TLK2: variants seen among roughly 807,000 people sequenced by gnomAD.
TLK2 encodes the protein serine/threonine-protein kinase tousled-like 2.
Under a neutral mutation model 117.3 loss-of-function variants are expected in TLK2, and 6 were observed. That is an observed-to-expected ratio of 0.05 (90% confidence interval 0.03 to 0.10). The LOEUF (loss-of-function observed/expected upper bound fraction) is 0.10. Among genes scored for constraint, TLK2 ranks in the 10% least tolerant of loss-of-function variants. The pLI is 1.00. For synonymous variants in TLK2, 257 were observed against 316.7 expected, an observed-to-expected ratio of 0.81 and a Z score of 2.00; for missense variants, 299 against 901.2, an observed-to-expected ratio of 0.33 and a Z score of 8.56.
intron 7 of TLK2, among the ~76,000 whole-genome samples, chr17:62,544,799 T>C (rs74950339): frequency 0.015 from 2,256 of 152,306 alleles, 20 homozygotes; most frequent in Non-Finnish European, 0.023. Context: ...TTGAGAAGTA[T>C]TGCCTTTTTA....
intron 6 of TLK2, 74 bp from the exon 7 acceptor site, chr17:62,536,096 T>C: frequency 6.6e-7 from 1 of 1,518,642 alleles, no homozygotes; most frequent in Non-Finnish European, 8.9e-7. Context: ...TAACTGTTTT[T>C]AACCCGTTGC....
intron 15 of TLK2, among the ~76,000 whole-genome samples, chr17:62,584,007 TTAGAA>T (rs1336092378): frequency 6.6e-6 from 1 of 152,144 alleles, no homozygotes; most frequent in Non-Finnish European, 1.5e-5. Context: ...TGTCTTGGAT[TTAGAA>T]TAGAAGTACA....
rs530999704 is a variant in TLK2 at position 62,591,619 on chromosome 17, CAG to C, written c.1461-4965_1461-4964del. On this transcript the variant is annotated intron_variant, in intron 16 of 21. Transcript: ENST00000346027. ...ACGTAAAGATGATGAAATGAAGCGT[CAG>C]GGGAGGCAAAATGGCCAAAAGTGGC... Among the ~76,000 whole-genome samples, 68 of 152,292 alleles carry C rather than the reference CAG, an allele frequency of 4.5e-4. 1 individual carries two copies. In the East Asian group the frequency reaches 8.3e-3, roughly 19 times the overall value.
chr17:62,493,028 T>C (rs1475933267), intron 2 of TLK2, among the ~76,000 whole-genome samples: 2 of 151,854 alleles, frequency 1.3e-5, no homozygotes, highest in African/African-American at 4.8e-5. Context: ...AACCGGGAGG[T>C]GGAGGTTGCA....
At chr17:62,476,311 C>T (rs112997374), upstream of TLK2, among the ~76,000 whole-genome samples, 50,022 of 150,876 alleles carry the variant, frequency 0.33, 8,474 homozygotes, top group Admixed American at 0.4. Flanking sequence ...CGGCCAGGCG[C>T]GGTGGCTCAT....
chr17:62,578,879 T>A (rs527259711), intron 14 of TLK2, among the ~76,000 whole-genome samples: 25 of 152,296 alleles, frequency 1.6e-4, no homozygotes, highest in African/African-American at 5.3e-4. Flanking sequence ...ATGTTGCATA[T>A]TCAGATTTTC....
intron 2 of TLK2, among the ~76,000 whole-genome samples, chr17:62,490,313 C>G (rs1217029633): frequency 6.6e-6 from 1 of 152,164 alleles, no homozygotes; most frequent in African/African-American, 2.4e-5. Flanking sequence ...TGTGACCTAT[C>G]TTCCACTTGA....
Position 62,481,186 on chromosome 17 carries a change from A to G in TLK2, c.61A>G (p.Thr21Ala). The stretch of plus-strand genomic sequence containing the variant: ...GCAGGAATTATTGGAGGCCAGGTTT[A>G]CTGGAGTAGGTGTTAGTAAGGTGAG... ...RRQELLEARFTGVGVSKGPLN... is the reference protein window; with the variant it reads ...RRQELLEARFAGVGVSKGPLN... The change falls in exon 2 of 22, where the codon ACT becomes GCT. Residue 21 changes from threonine to alanine, a missense_variant. Physicochemically the swap from Thr to Ala is moderately conservative, Grantham distance 58 (BLOSUM62 0). Transcript: ENST00000346027. 6.2e-7 allele frequency: 1 copy of G among 1,613,912 alleles called. No homozygotes were observed. Among genetic ancestry groups the G allele is most frequent in the South Asian group, 1.1e-5 (1 of 91,080 alleles).
chr17:62,567,706 C>A (rs1194699286), intron 11 of TLK2, among the ~76,000 whole-genome samples: 1 of 152,170 alleles, frequency 6.6e-6, no homozygotes, highest in Non-Finnish European at 1.5e-5. Context: ...TAGCTGAACA[C>A]TAACAACACT....
rs574098666 is a variant in TLK2 at position 62,565,254 on chromosome 17, T to G, written c.968+117T>G. The G allele has an allele frequency of 1.4e-5, 19 of 1,328,302 alleles. No individual in the cohort carries two copies. The East Asian group carries it at 4.6e-4, about 32-fold the overall frequency. The allele number at this position is 1,328,302 out of a possible 1,614,324, so 82.3% of individuals were successfully genotyped here. ...TTGGTAGTCATCTTTTCAGTTAGTT[T>G]TTTAGTCACCACATGTGGAAAGAAA... On this transcript the variant is annotated intron_variant, in intron 11 of 21. Coordinates refer to ENST00000346027, the MANE Select transcript of TLK2 (RefSeq NM_006852.6).
At position 62,612,732 on chromosome 17, in the gene TLK2, C is replaced by T. The variant is rs2083894989; in HGVS notation, c.*167C>T. ...CATAGAGCATGACAGCATCGATTCT[C>T]ATTGAGGAGAAACCTTGGGCAGCTC... On this transcript the variant is annotated 3_prime_UTR_variant, in exon 22 of 22. Transcript: ENST00000346027. The T allele has an allele frequency of 4.9e-6, 3 of 614,264 alleles. No homozygotes were observed. The East Asian group carries it at 1.0e-4, about 21-fold the overall frequency. 38.1% of individuals were successfully genotyped at this position (614,264 alleles called of 1,614,324 possible). A position where few individuals can be genotyped will look rare whatever the true frequency, so the allele number is the denominator to read the frequency against.
intron 2 of TLK2, among the ~76,000 whole-genome samples, chr17:62,509,291 G>A (rs971602378): frequency 5.4e-4 from 82 of 152,206 alleles, no homozygotes; most frequent in African/African-American, 1.8e-3. Context: ...ATCTTGCTAT[G>A]CTGCCCAAGC....
intron 1 of TLK2, among the ~76,000 whole-genome samples, chr17:62,473,056 G>C (rs1167726084): frequency 6.6e-6 from 1 of 152,156 alleles, no homozygotes; most frequent in Non-Finnish European, 1.5e-5. Flanking sequence ...TATTCCCTTG[G>C]TTCCAGGTCT....
chr17:62,516,822 GT>G, intron 2 of TLK2: 1 of 1,116,860 alleles, frequency 9.0e-7, no homozygotes, highest in Non-Finnish European at 1.3e-6. Flanking sequence ...TAGTTCTTAT[GT>G]TTAGGTCTTT....
At chr17:62,553,803 A>G (rs762419440) in intron 9 of TLK2, 48 bp downstream of exon 9, 4 of 1,188,314 alleles carry the variant, frequency 3.4e-6, no homozygotes, top group Admixed American at 3.6e-5. Context: ...CATTTGTTAT[A>G]TATATTTGGA....
intron 7 of TLK2, among the ~76,000 whole-genome samples, chr17:62,539,161 T>C (rs1047195014): frequency 1.3e-5 from 2 of 152,198 alleles, no homozygotes; most frequent in African/African-American, 4.8e-5. Flanking sequence ...AGTTTACATA[T>C]CCTTGGGTCC....
intron 15 of TLK2, chr17:62,585,852 A>G: frequency 4.0e-6 from 1 of 251,684 alleles, no homozygotes; most frequent in Middle Eastern, 1.3e-3. Flanking sequence ...GTGTCCAGAA[A>G]GAGAATGGTT....
intron 7 of TLK2, chr17:62,549,881 G>C (rs2078310258): frequency 6.7e-6 from 1 of 150,354 alleles, no homozygotes. Flanking sequence ...TGTTGGCCAG[G>C]CTGGTCTTCA....
intron 7 of TLK2, among the ~76,000 whole-genome samples, chr17:62,538,775 G>A (rs2077297220): frequency 6.6e-6 from 1 of 152,178 alleles, no homozygotes; most frequent in Non-Finnish European, 1.5e-5. Context: ...AAATGCTCTG[G>A]TACAGTTTTG....
Sources: allele counts gnomAD v4.1 joint callset (sites outside exome capture counted in the v4.1 genomes callset), GRCh38; gene constraint gnomAD v4.1.1; transcripts MANE v1.5; gene names NCBI Gene and HGNC (gene_info 2026-07-23, HGNC 2026-07-21).